CSMD1: variants seen among roughly 807,000 people sequenced by gnomAD.
CSMD1 encodes the protein CUB and Sushi multiple domains 1.
A neutral mutation model predicts 417.5 loss-of-function variants in CSMD1; 213 were observed. That is an observed-to-expected ratio of 0.51 (90% CI 0.46 to 0.57). The LOEUF is 0.57. Among genes scored for constraint, CSMD1 ranks in the 20% least tolerant of loss-of-function variants. The pLI is 0.00. For synonymous variants in CSMD1, 2,862 were observed against 1,736.8 expected (o/e 1.65, Z -16.11); for missense variants, 6,923 against 4,529.7 (o/e 1.53, Z -15.17).
chr8:3,604,306 G>T (rs150052449), intron 8 of CSMD1, among the ~76,000 whole-genome samples: 1 of 152,070 alleles, frequency 6.6e-6, no homozygotes, highest in Non-Finnish European at 1.5e-5. Context: ...CTGCGGGGGG[G>T]GACCAAAGGT....
intron 26 of CSMD1, among the ~76,000 whole-genome samples, chr8:3,231,268 G>A (rs912517228): frequency 8.6e-5 from 13 of 151,816 alleles, no homozygotes; most frequent in South Asian, 2.1e-4. Context: ...TTAGAATAAC[G>A]AGCTCTTTCT....
rs114030709 is a variant in CSMD1, at chr8:4,052,959, G to C, written c.416-20860C>G. Among the ~76,000 whole-genome samples the C allele has an allele frequency of 7.7e-3, 1,175 of 152,226 alleles. 19 individuals are homozygous for C. The highest frequency in any genetic ancestry group is 0.027 in the African/African-American group (1,124 of 41,514). ...TAATGAGGGTCTGAGAGGTATAAATGGACCCAGAACCTGAGGGCCCCCTTA... is the reference window on the plus strand; with the variant it reads ...TAATGAGGGTCTGAGAGGTATAAATCGACCCAGAACCTGAGGGCCCCCTTA... On this transcript the variant is annotated intron_variant, in intron 3 of 69. Coordinates refer to ENST00000635120, the MANE Select transcript of CSMD1 (RefSeq NM_033225.6).
chr8:4,849,841 T>A (rs371392456), intron 1 of CSMD1, among the ~76,000 whole-genome samples: 1 of 152,224 alleles, frequency 6.6e-6, no homozygotes, highest in African/African-American at 2.4e-5. Flanking sequence ...TATTTCCTCA[T>A]TGTTATGTAA....
Position 4,819,334 on chromosome 8 carries a change from C to T in CSMD1, c.85+174998G>A, listed in dbSNP as rs114656897. 6.0e-3 allele frequency among the ~76,000 whole-genome samples: 919 copies of T among 152,232 alleles called. 5 individuals are homozygous for T. The highest frequency in any genetic ancestry group is 0.019 in the African/African-American group (794 of 41,544). ...TATTAGACAACATAGCTCATATTCA[C>T]ATAGGGAATATGTGTCCATTTACTT... is the stretch of plus-strand genomic sequence containing the variant. On this transcript the variant is annotated intron_variant, in intron 1 of 69. Coordinates refer to ENST00000635120, the MANE Select transcript of CSMD1 (RefSeq NM_033225.6).
chr8:4,345,703 A>C (rs1800740199), intron 3 of CSMD1, among the ~76,000 whole-genome samples: 2 of 152,148 alleles, frequency 1.3e-5, no homozygotes, highest in African/African-American at 4.8e-5. Flanking sequence ...TTTTTTTAAA[A>C]AGGCTCAACG....
intron 25 of CSMD1, 97 bp downstream of exon 25, chr8:3,307,598 C>CTT (rs1377878270): frequency 7.4e-7 from 1 of 1,358,832 alleles, no homozygotes; most frequent in African/African-American, 1.5e-5. Context: ...AGTTCAGAAA[C>CTT]TTTAACCATG....
At chr8:3,710,225 C>T (rs527995837) in intron 6 of CSMD1, among the ~76,000 whole-genome samples, 1 of 152,090 alleles carries the variant, frequency 6.6e-6, no homozygotes, top group East Asian at 1.9e-4. Flanking sequence ...ATTCATTGAA[C>T]AGAGTCTAAA....
chr8:3,666,360 T>C (rs543303366), intron 7 of CSMD1, among the ~76,000 whole-genome samples: 1 of 152,224 alleles, frequency 6.6e-6, no homozygotes, highest in African/African-American at 2.4e-5. Context: ...CCGTTTAAAA[T>C]GACATATTCA....
intron 1 of CSMD1, among the ~76,000 whole-genome samples, chr8:4,816,665 G>A (rs1026042765): frequency 2.6e-5 from 4 of 152,154 alleles, no homozygotes; most frequent in African/African-American, 7.2e-5. Context: ...TCCCACTGGT[G>A]AAAGCTCATC....
chr8:3,206,670 CTG>C (rs1375235026), intron 30 of CSMD1, among the ~76,000 whole-genome samples: 7 of 83,918 alleles, frequency 8.3e-5, no homozygotes, highest in East Asian at 3.3e-4. Flanking sequence ...GGGGGTATGT[CTG>C]TGTGTGTGTG....
At chr8:4,608,657 T>C (rs963375020) in intron 2 of CSMD1, among the ~76,000 whole-genome samples, 2 of 152,230 alleles carry the variant, frequency 1.3e-5, no homozygotes, top group Non-Finnish European at 2.9e-5. Context: ...TCACCGTTTA[T>C]TAAGCAATGT....
At chr8:3,306,814 G>C (rs991913287) in intron 25 of CSMD1, among the ~76,000 whole-genome samples, 1 of 150,628 alleles carries the variant, frequency 6.6e-6, no homozygotes, top group African/African-American at 2.4e-5. Context: ...TTTCTGAGTA[G>C]ATCACCAAGA....
chr8:4,943,188 A>T (rs13262108), intron 1 of CSMD1, among the ~76,000 whole-genome samples: 136,515 of 152,192 alleles, frequency 0.9, 62,680 homozygotes, highest in Non-Finnish European at 0.99. Flanking sequence ...TTTTCAAAGC[A>T]CATTTGCACT....
At chr8:3,265,914 G>A (rs1430829892) in intron 26 of CSMD1, among the ~76,000 whole-genome samples, 1 of 151,962 alleles carries the variant, frequency 6.6e-6, no homozygotes, top group Non-Finnish European at 1.5e-5. Flanking sequence ...GCCACAAGCA[G>A]GAAATTCAGC....
At chr8:3,876,141 C>G (rs1470130147) in intron 5 of CSMD1, among the ~76,000 whole-genome samples, 1 of 152,060 alleles carries the variant, frequency 6.6e-6, no homozygotes, top group African/African-American at 2.4e-5. Flanking sequence ...AGAAATTAAC[C>G]TCTGGAAACC....
At chr8:3,705,526 G>A (rs7840973) in intron 7 of CSMD1, among the ~76,000 whole-genome samples, 147,070 of 152,228 alleles carry the variant, frequency 0.97, 71,202 homozygotes, top group Non-Finnish European at 1. Flanking sequence ...TTACTCCCAG[G>A]GGAGTCTTCT....
At chr8:3,788,473 G>C (rs920129681) in intron 5 of CSMD1, among the ~76,000 whole-genome samples, 1 of 152,040 alleles carries the variant, frequency 6.6e-6, no homozygotes, top group Non-Finnish European at 1.5e-5. Context: ...AATAGAACTG[G>C]GGAATTCTTT....
intron 2 of CSMD1, among the ~76,000 whole-genome samples, chr8:4,595,748 C>T (rs57537880): frequency 6.6e-6 from 1 of 152,128 alleles, no homozygotes; most frequent in Non-Finnish European, 1.5e-5. Context: ...AAAAACAAAG[C>T]AAAACAAATG....
At chr8:2,951,071 T>C (rs779856180) in intron 66 of CSMD1, 43 bp downstream of exon 66, 2 of 1,585,488 alleles carry the variant, frequency 1.3e-6, no homozygotes, top group Non-Finnish European at 1.7e-6. Flanking sequence ...AACAGGTCTA[T>C]TTCTGCTCAC....
Sources: gnomAD v4.1 joint callset for allele counts (sites outside exome capture counted in the v4.1 genomes callset) on GRCh38, gnomAD v4.1.1 for gene constraint, MANE v1.5 for transcripts, NCBI Gene and HGNC (gene_info 2026-07-23, HGNC 2026-07-21) for gene names.